FNDC1: variants seen among roughly 807,000 people sequenced by gnomAD.
The protein encoded by FNDC1 is fibronectin type III domain-containing protein 1.
In FNDC1, 96 loss-of-function variants were observed where a neutral mutation model predicts 168.0. The ratio of observed to expected loss-of-function variants is 0.57; its 90% CI spans 0.48 to 0.68. The LOEUF (loss-of-function observed/expected upper bound fraction) is 0.68, where lower values mean the gene tolerates loss of function less well. Among genes scored for constraint, FNDC1 ranks in the 30% least tolerant of loss-of-function variants. The pLI is 0.00. For synonymous variants in FNDC1, 1,099 were observed against 1,025.9 expected, an observed-to-expected ratio of 1.07 and a Z score of -1.36; for missense variants, 2,587 against 2,482.1, an observed-to-expected ratio of 1.04 and a Z score of -0.90.
chr6:159,266,680 GTTTTTT>G lies in FNDC1; in HGVS notation c.5446+448_5446+453del, dbSNP rs10616860. ...TCCAAAATTCTATTAGAAATCTAGG[GTTTTTT>G]TTTTTTTTTTTTGCCACTAATACAA... On this transcript the variant is annotated intron_variant, in intron 21 of 22. Coordinates refer to ENST00000297267, the MANE Select transcript of FNDC1 (RefSeq NM_032532.3). Among the ~76,000 whole-genome samples the G allele has an allele frequency of 2.5e-3, 354 of 144,064 alleles. 1 individual carries two copies. The highest frequency in any genetic ancestry group is 7.7e-3 in the African/African-American group (298 of 38,610). 94.5% of individuals were successfully genotyped at this position (144,064 alleles called of 152,430 possible).
At chr6:159,235,580 C>T (rs781747521) in intron 11 of FNDC1, among the ~76,000 whole-genome samples, 12 of 152,160 alleles carry the variant, frequency 7.9e-5, no homozygotes, top group Admixed American at 2.0e-4. Context: ...CTTTGCCGAG[C>T]GGTCAATGCT....
Position 159,251,549 on chromosome 6 carries a change from A to T in FNDC1, c.5065+17A>T, listed in dbSNP as rs778388305. 1 of 1,603,216 alleles carries T rather than the reference A, an allele frequency of 6.2e-7. No individual in the cohort carries two copies. The highest frequency in any genetic ancestry group is 8.5e-7 in the Non-Finnish European group (1 of 1,172,366). On this transcript the variant is annotated intron_variant, in intron 17 of 22. Transcript: ENST00000297267. ...TGGTCACAGGTGTGTCCTAAGCAGAAATCAGAGTTCCCATGATCTGTAGGT... is the reference window on the plus strand; with the variant it reads ...TGGTCACAGGTGTGTCCTAAGCAGATATCAGAGTTCCCATGATCTGTAGGT...
At chr6:159,266,910 G>T (rs1777606407) in intron 21 of FNDC1, among the ~76,000 whole-genome samples, 1 of 151,866 alleles carries the variant, frequency 6.6e-6, no homozygotes, top group South Asian at 2.1e-4. Context: ...CGAGTGCTTT[G>T]AGCTGCTAAC....
chr6:159,211,810 C>G (rs1226719892), intron 4 of FNDC1, among the ~76,000 whole-genome samples: 2 of 152,186 alleles, frequency 1.3e-5, no homozygotes, highest in Non-Finnish European at 2.9e-5. Flanking sequence ...ACAGAAGAAA[C>G]TGAAATTCAG....
chr6:159,253,568 T>C (rs1479916689), intron 17 of FNDC1, among the ~76,000 whole-genome samples: 1 of 152,174 alleles, frequency 6.6e-6, no homozygotes, highest in Non-Finnish European at 1.5e-5. Context: ...CTCCTAGAAT[T>C]CCTGCCTGCA....
At chr6:159,192,913 C>G (rs1782169332) in intron 1 of FNDC1, among the ~76,000 whole-genome samples, 1 of 152,196 alleles carries the variant, frequency 6.6e-6, no homozygotes, top group South Asian at 2.1e-4. Context: ...CTGATGCCTT[C>G]AGGGGCTAGG....
intron 1 of FNDC1, among the ~76,000 whole-genome samples, chr6:159,173,652 G>C (rs968264089): frequency 6.6e-6 from 1 of 152,186 alleles, no homozygotes; most frequent in Admixed American, 6.5e-5. Flanking sequence ...CCTGAAAACA[G>C]GAGGGGAAGG....
intron 17 of FNDC1, among the ~76,000 whole-genome samples, chr6:159,254,853 T>C (rs536779084): frequency 1.3e-5 from 2 of 152,282 alleles, no homozygotes; most frequent in South Asian, 4.1e-4. Context: ...AGAAGCATCT[T>C]CAAGTCTCCT....
intron 1 of FNDC1, among the ~76,000 whole-genome samples, chr6:159,183,862 C>T (rs1781935852): frequency 1.3e-5 from 2 of 152,332 alleles, no homozygotes; most frequent in South Asian, 4.1e-4. Context: ...TCACAAGATC[C>T]ATTCAGGGCA....
At chr6:159,198,385 C>T (rs940335044) in intron 2 of FNDC1, among the ~76,000 whole-genome samples, 7 of 152,226 alleles carry the variant, frequency 4.6e-5, no homozygotes, top group Non-Finnish European at 1.0e-4. Flanking sequence ...ATGGGCTCCT[C>T]AGCTTTGGTC....
At chr6:159,194,102 A>G (rs1011345436) in intron 1 of FNDC1, among the ~76,000 whole-genome samples, 1 of 152,208 alleles carries the variant, frequency 6.6e-6, no homozygotes, top group South Asian at 2.1e-4. Flanking sequence ...GCACCTTACC[A>G]TCTGTCTCCA....
intron 18 of FNDC1, among the ~76,000 whole-genome samples, chr6:159,260,733 A>G (rs1430609856): frequency 2.0e-5 from 3 of 152,150 alleles, no homozygotes; most frequent in African/African-American, 7.2e-5. Flanking sequence ...CAGGGATATA[A>G]TTAGGTTATA....
chr6:159,233,633 C>T lies in FNDC1; in HGVS notation c.3121C>T (p.Pro1041Ser). 2 of 1,557,160 alleles carry T rather than the reference C, an allele frequency of 1.3e-6. No individual in the cohort carries two copies. The highest frequency in any genetic ancestry group is 1.4e-5 in the African/African-American group (1 of 73,508). ...PRLSLTQAGR[P>S]RPTSQGRSHS... ...GCTCTCACTGACCCAGGCCGGGCGGCCCCGCCCCACGTCGCAGGGCCGCTC... is the reference window on the plus strand; with the variant it reads ...GCTCTCACTGACCCAGGCCGGGCGGTCCCGCCCCACGTCGCAGGGCCGCTC... Residue 1041 changes from proline (P) to serine (S), a missense_variant, in exon 11 of 23, where the codon CCC becomes TCC. By Grantham distance (74) the Pro-to-Ser change is moderately conservative (BLOSUM62 -1). Transcript: ENST00000297267. This position sits in a 1 kb window ranked among gnomAD's most constrained non-coding sequence, Gnocchi z 4.6.
chr6:159,203,673 A>G (rs1372191898), intron 4 of FNDC1, among the ~76,000 whole-genome samples: 1 of 152,208 alleles, frequency 6.6e-6, no homozygotes. Flanking sequence ...AAGAGATGTC[A>G]CAAGTCTGTT....
At chr6:159,267,711 T>A in intron 21 of FNDC1, 93 bp from the exon 22 acceptor site, 2 of 1,373,586 alleles carry the variant, frequency 1.5e-6, no homozygotes, top group Non-Finnish European at 2.0e-6. Flanking sequence ...ATATGCTGAA[T>A]TCAAACAGTC....
intron 17 of FNDC1, among the ~76,000 whole-genome samples, chr6:159,251,767 G>A (rs556801365): frequency 6.6e-5 from 10 of 152,280 alleles, no homozygotes; most frequent in South Asian, 2.1e-4. Context: ...TCCTAAATCC[G>A]CGTCCCAGAT....
At position 159,232,468 on chromosome 6, in the gene FNDC1, C is replaced by T. The variant is rs1024628421; in HGVS notation, c.1956C>T (p.Arg652=). The change falls in exon 11 of 23, where the codon CGC becomes CGT. Residue 652 remains arginine, a synonymous_variant. Coordinates refer to ENST00000297267, the MANE Select transcript of FNDC1 (RefSeq NM_032532.3). This position sits in a 1 kb window ranked among gnomAD's most constrained non-coding sequence, Gnocchi z 4.9. ...TGGTGGACTCAGACGAAGATGAGCG[C>T]GCTGTGGGCTCCCTCCACCCCAAGG... ...NDLVDSDEDE[R]AVGSLHPKGA... 6 of 1,612,184 alleles carry T rather than the reference C, an allele frequency of 3.7e-6. No individual in the cohort carries two copies. Among genetic ancestry groups the T allele is most frequent in the African/African-American group, 1.3e-5 (1 of 75,020 alleles).
At chr6:159,268,207 G>A (rs1271624257) in intron 22 of FNDC1, among the ~76,000 whole-genome samples, 1 of 152,034 alleles carries the variant, frequency 6.6e-6, no homozygotes, top group East Asian at 1.9e-4. Flanking sequence ...TGTTTCAGGA[G>A]GTAACGTATA....
chr6:159,175,908 C>A (rs550196202), intron 1 of FNDC1, among the ~76,000 whole-genome samples: 40 of 152,160 alleles, frequency 2.6e-4, no homozygotes, highest in Non-Finnish European at 5.4e-4. Context: ...GTTTACTGGA[C>A]CATTTAAGTC....
Sources: gnomAD v4.1 joint callset for allele counts (sites outside exome capture counted in the v4.1 genomes callset) on GRCh38, gnomAD v4.1.1 for gene constraint, Gnocchi (gnomAD v3.1) non-coding constraint, MANE v1.5 for transcripts, NCBI Gene and HGNC (gene_info 2026-07-23, HGNC 2026-07-21) for gene names.